The following TXNRD3 variants were observed in gnomAD, a reference collection of about 807,000 sequenced individuals.
The protein encoded by TXNRD3 is TXNRD3 neighbor gene protein.
A neutral mutation model predicts 78.2 loss-of-function variants in TXNRD3; 68 were observed. The ratio of observed to expected loss-of-function variants is 0.87; its 90% confidence interval spans 0.72 to 1.06. TXNRD3 has a LOEUF of 1.06. Ranked by LOEUF, TXNRD3 falls within the 50% of genes least tolerant of loss-of-function variation. The pLI is 0.00. For synonymous variants in TXNRD3, 296 were observed against 300.1 expected, an observed-to-expected ratio of 0.99 and a Z score of 0.14; for missense variants, 751 against 809.5, an observed-to-expected ratio of 0.93 and a Z score of 0.88.
At chr3:126,625,298 C>G (rs1938553540) in intron 10 of TXNRD3, 1 of 93,782 alleles carries the variant, frequency 1.1e-5, no homozygotes, top group African/African-American at 4.3e-5. Context: ...AATGCTATCC[C>G]TCCCCCCTCC....
chr3:126,623,979 C>T (rs1471587170), intron 10 of TXNRD3, among the ~76,000 whole-genome samples: 1 of 151,310 alleles, frequency 6.6e-6, no homozygotes. Flanking sequence ...TTTTTATACA[C>T]TACCAACCAA....
chr3:126,654,865 G>T lies in TXNRD3; in HGVS notation c.126C>A (p.Ser42=). The change falls in exon 1 of 16, where the codon TCC becomes TCA. Residue 42 remains serine (S), a synonymous_variant. Coordinates refer to ENST00000524230, the MANE Select transcript of TXNRD3 (RefSeq NM_052883.3). ...CCTCGGACGAGCGGCTGGGCCCGGG[G>T]GACGACAGGCGGGCACGGCGCCCCG... 7.4e-7 allele frequency: 1 copy of T among 1,344,466 alleles called. No homozygotes were observed. The highest frequency in any genetic ancestry group is 1.9e-5 in the South Asian group (1 of 53,024). 83.3% of individuals were successfully genotyped at this position (1,344,466 alleles called of 1,614,324 possible).
At chr3:126,639,810 T>C (rs1244685205) in intron 6 of TXNRD3, among the ~76,000 whole-genome samples, 1 of 152,056 alleles carries the variant, frequency 6.6e-6, no homozygotes, top group Non-Finnish European at 1.5e-5. Context: ...CCCAGGCTGG[T>C]CTCAATCTCC....
chr3:126,643,853 G>A (rs545145818), intron 5 of TXNRD3, 128 bp downstream of exon 5: 22 of 888,602 alleles, frequency 2.5e-5, no homozygotes, highest in African/African-American at 2.2e-4. Context: ...GCCTAGACTC[G>A]CTTGTTTTCT....
At chr3:126,608,348 G>T in intron 15 of TXNRD3, 151 bp downstream of exon 15, 1 of 918,368 alleles carries the variant, frequency 1.1e-6, no homozygotes, top group Non-Finnish European at 1.5e-6. Context: ...ATGACAGAGT[G>T]AGACCCTGTC....
chr3:126,608,579 C>T lies in TXNRD3; in HGVS notation c.1783G>A (p.Gly595Arg). 6.5e-7 allele frequency: 1 copy of T among 1,535,910 alleles called. No individual in the cohort carries two copies. The highest frequency in any genetic ancestry group is 8.7e-7 in the Non-Finnish European group (1 of 1,146,812). The stretch of plus-strand genomic sequence containing the variant: ...CCACATTTCATTGCAGCTGCAAATC[C>T]TTGGGTAACCTCACCGGCGTTTGGT... The change falls in exon 15 of 16, where the codon GGA becomes AGA. Residue 595 changes from glycine (G) to arginine (R), a missense_variant. Physicochemically the swap from Gly to Arg is moderately radical, Grantham distance 125. Coordinates refer to ENST00000524230, the MANE Select transcript of TXNRD3 (RefSeq NM_052883.3).
In TXNRD3 at chr3:126,613,725, T is replaced by C. The variant is rs139492441; in HGVS notation, c.1632+1630A>G. On this transcript the variant is annotated intron_variant, in intron 13 of 15. Coordinates refer to ENST00000524230, the MANE Select transcript of TXNRD3 (RefSeq NM_052883.3). Reference sequence around the variant, plus strand: ...TACTCACTGTTTGTGGTGATGCTGGTGATGCTGACACTGCACTGCCAGTCT... The same window carrying C: ...TACTCACTGTTTGTGGTGATGCTGGCGATGCTGACACTGCACTGCCAGTCT... 2.8e-3 allele frequency among the ~76,000 whole-genome samples: 420 copies of C among 152,362 alleles called. 3 individuals carry two copies. Among genetic ancestry groups the C allele is most frequent in the African/African-American group, 9.4e-3 (390 of 41,580 alleles).
chr3:126,623,724 C>T (rs1938506002), intron 10 of TXNRD3, among the ~76,000 whole-genome samples: 1 of 151,944 alleles, frequency 6.6e-6, no homozygotes, highest in African/African-American at 2.4e-5. Flanking sequence ...AGCAAACTTA[C>T]AGGTCACATC....
Position 126,607,600 on chromosome 3 carries a change from T to G in TXNRD3, c.*305A>C, listed in dbSNP as rs749071054. 2 of 266,856 alleles carry G rather than the reference T, an allele frequency of 7.5e-6. No homozygotes were observed. Among genetic ancestry groups the G allele is most frequent in the Admixed American group, 1.1e-4 (2 of 18,718 alleles). The allele number at this position is 266,856 out of a possible 1,614,324, so 16.5% of individuals were successfully genotyped here. A position where few individuals can be genotyped will look rare whatever the true frequency, so the allele number is the denominator to read the frequency against. On this transcript the variant is annotated 3_prime_UTR_variant, in exon 16 of 16. Coordinates refer to ENST00000524230, the MANE Select transcript of TXNRD3 (RefSeq NM_052883.3). ...TTAGGTGAATGGTGCCACTCAAAGG[T>G]CTTTCCGAGGGAAGCTCAGTCCTGG...
intron 7 of TXNRD3, among the ~76,000 whole-genome samples, chr3:126,632,255 G>T (rs754729307): frequency 6.6e-6 from 1 of 152,138 alleles, no homozygotes; most frequent in Non-Finnish European, 1.5e-5. Context: ...GGAGAGCAGG[G>T]TTGTGTCAGA....
chr3:126,607,918 C>G lies in TXNRD3; in HGVS notation c.1919G>C (p.Gly640Ala). The G allele has an allele frequency of 6.6e-7, 1 of 1,516,036 alleles. No homozygotes were observed. The allele number at this position is 1,516,036 out of a possible 1,614,324, so 93.9% of individuals were successfully genotyped here. ...ACAGCAGCAGGCCTAGCCTCAGCAG[C>G]CTTTCTGAGTGATGTCTAGTCCTGA... is the stretch of plus-strand genomic sequence containing the variant. The change falls in exon 16 of 16, where the codon GGC becomes GCC. Residue 640 changes from glycine (G) to alanine (A), a missense_variant. Transcript: ENST00000524230.
intron 12 of TXNRD3, among the ~76,000 whole-genome samples, chr3:126,616,576 A>G (rs1938324362): frequency 6.6e-6 from 1 of 152,164 alleles, no homozygotes; most frequent in South Asian, 2.1e-4. Context: ...GCACATCTGT[A>G]CAAACCCCCC....
At chr3:126,644,666 G>A (rs1312425854) in intron 3 of TXNRD3, among the ~76,000 whole-genome samples, 2 of 152,156 alleles carry the variant, frequency 1.3e-5, no homozygotes, top group Non-Finnish European at 2.9e-5. Flanking sequence ...AGAAGGTTGT[G>A]GCTCTGTACC....
At chr3:126,652,160 A>G (rs946369446) in intron 1 of TXNRD3, among the ~76,000 whole-genome samples, 2 of 152,198 alleles carry the variant, frequency 1.3e-5, no homozygotes, top group Non-Finnish European at 2.9e-5. Flanking sequence ...GGGAGGCCTC[A>G]GGAAACTTAC....
At chr3:126,649,389 T>C (rs1407504926) in intron 1 of TXNRD3, among the ~76,000 whole-genome samples, 2 of 152,198 alleles carry the variant, frequency 1.3e-5, no homozygotes, top group Admixed American at 6.5e-5. Context: ...TTGTGCACTT[T>C]AGTGGGAATG....
In TXNRD3 at chr3:126,640,349, C is replaced by T. The variant is rs1297542755; in HGVS notation, c.712+1683G>A. On this transcript the variant is annotated intron_variant, in intron 6 of 15. Transcript: ENST00000524230. ...GTCTCGATCTCCTGACCTCGTGATC[C>T]GCCCGCCTCGGCCTCCCAAAGTGCT... 4.6e-4 allele frequency among the ~76,000 whole-genome samples: 4 copies of T among 8,662 alleles called. 1 individual carries two copies. Among genetic ancestry groups the T allele is most frequent in the African/African-American group, 6.9e-4 (4 of 5,780 alleles). 5.7% of individuals were successfully genotyped at this position (8,662 alleles called of 152,430 possible). A position where few individuals can be genotyped will look rare whatever the true frequency, so the allele number is the denominator to read the frequency against.
chr3:126,611,914 G>T (rs544053652), intron 13 of TXNRD3, among the ~76,000 whole-genome samples: 2 of 152,278 alleles, frequency 1.3e-5, no homozygotes, highest in East Asian at 3.9e-4. Context: ...TGCATGTAGA[G>T]TTAAAACAAA....
intron 12 of TXNRD3, among the ~76,000 whole-genome samples, chr3:126,617,835 T>C (rs1247965122): frequency 2.0e-5 from 3 of 152,144 alleles, no homozygotes; most frequent in South Asian, 2.1e-4. Context: ...AACCTAAAGA[T>C]TCCACCAAAA....
Position 126,630,947 on chromosome 3 carries a change from A to T in TXNRD3, c.972-10T>A, listed in dbSNP as rs977278021. ...AGAAAAAAGGTCATCACTGAAAAAT[A>T]AAAATTAAAAAAAGAATACCTAGGC... On this transcript the variant is annotated splice_polypyrimidine_tract_variant and intron_variant, in intron 8 of 15. Transcript: ENST00000524230. 1.6e-5 allele frequency: 25 copies of T among 1,531,366 alleles called. No individual in the cohort carries two copies. Among genetic ancestry groups the T allele is most frequent in the Non-Finnish European group, 2.2e-5 (25 of 1,145,146 alleles). 94.9% of individuals were successfully genotyped at this position (1,531,366 alleles called of 1,614,324 possible).
Sources: gnomAD v4.1 joint callset for allele counts (sites outside exome capture counted in the v4.1 genomes callset) on GRCh38, gnomAD v4.1.1 for gene constraint, MANE v1.5 for transcripts, NCBI Gene and HGNC (gene_info 2026-07-23, HGNC 2026-07-21) for gene names.